Variants in PARN observed in about 807,000 individuals in gnomAD.
PARN encodes poly(A)-specific ribonuclease PARN.
In PARN, 71 loss-of-function variants were observed where a neutral mutation model predicts 102.8. That is an observed-to-expected ratio of 0.69 (90% CI 0.57 to 0.84). The LOEUF (loss-of-function observed/expected upper bound fraction) is 0.84, where lower values mean the gene tolerates loss of function less well. Ranked by LOEUF, PARN falls within the 40% of genes least tolerant of loss-of-function variation. The pLI is 0.00. For synonymous variants in PARN, 261 were observed against 252.9 expected, an observed-to-expected ratio of 1.03 and a Z score of -0.30; for missense variants, 782 against 760.9, an observed-to-expected ratio of 1.03 and a Z score of -0.33.
chr16:14,508,777 G>A (rs963420689), intron 21 of PARN, among the ~76,000 whole-genome samples: 3 of 151,250 alleles, frequency 2.0e-5, no homozygotes, highest in African/African-American at 7.3e-5. Context: ...TATTCTCAGG[G>A]GGCGGGGCAT....
intron 22 of PARN, among the ~76,000 whole-genome samples, chr16:14,482,295 G>A (rs900445971): frequency 1.3e-5 from 2 of 152,036 alleles, no homozygotes; most frequent in African/African-American, 4.8e-5. Flanking sequence ...CTCAGGTTGA[G>A]GTTGGAGGAT....
At chr16:14,516,757 C>T (rs942432625) in intron 21 of PARN, among the ~76,000 whole-genome samples, 12 of 152,126 alleles carry the variant, frequency 7.9e-5, no homozygotes, top group African/African-American at 2.7e-4. Context: ...CAAACATCAT[C>T]GTAGGAACTG....
chr16:14,479,635 A>G (rs1285277449), intron 22 of PARN, among the ~76,000 whole-genome samples: 1 of 152,186 alleles, frequency 6.6e-6, no homozygotes, highest in African/African-American at 2.4e-5. Flanking sequence ...ACCAACAGTA[A>G]TAAGATAGTG....
intron 21 of PARN, among the ~76,000 whole-genome samples, chr16:14,547,954 A>G (rs1279157937): frequency 6.6e-6 from 1 of 151,914 alleles, no homozygotes; most frequent in Non-Finnish European, 1.5e-5. Context: ...TTAAGATAAC[A>G]TTAATAGGGG....
rs1403514441 is a variant in PARN at position 14,554,166 on chromosome 16, T to C, written c.1319-15A>G. On this transcript the variant is annotated splice_polypyrimidine_tract_variant and intron_variant, in intron 19 of 23. Transcript: ENST00000437198. ...TTTAGGCTGCACTACAAGACAAATT[T>C]ATGATGAAATATTGATGGGTGAAAA... The C allele has an allele frequency of 6.5e-7, 1 of 1,541,154 alleles. No individual in the cohort carries two copies. The highest frequency in any genetic ancestry group is 1.1e-5 in the South Asian group (1 of 87,274).
In PARN at chr16:14,630,150, C is replaced by T. The variant is rs775832635; in HGVS notation, c.-25G>A. ...TTCTGCAGAGTGGCCGGAACCTTGG[C>T]CCCACCCGGGCCCGCGCCCGCCTCA... is the stretch of plus-strand genomic sequence containing the variant. On this transcript the variant is annotated 5_prime_UTR_variant, in exon 1 of 24. Transcript: ENST00000437198. The T allele has an allele frequency of 8.4e-6, 13 of 1,553,664 alleles. No homozygotes were observed. Among genetic ancestry groups the T allele is most frequent in the South Asian group, 2.4e-5 (2 of 84,304 alleles).
chr16:14,523,677 T>A (rs1020133939), intron 21 of PARN, among the ~76,000 whole-genome samples: 4 of 152,220 alleles, frequency 2.6e-5, no homozygotes, highest in Non-Finnish European at 5.9e-5. Flanking sequence ...TTACATTTAA[T>A]GTCAAAGACA....
chr16:14,593,345 C>T lies in PARN; in HGVS notation c.874G>A (p.Asp292Asn). 1 of 1,606,958 alleles carries T rather than the reference C, an allele frequency of 6.2e-7. No individual in the cohort carries two copies. The highest frequency in any genetic ancestry group is 1.3e-5 in the African/African-American group (1 of 74,760). ...KLVIGHNMLL[D>N]VMHTVHQFYC... is the part of the protein sequence containing the mutation. ...AACTGATGAACTGTGTGCATGACGT[C>T]CAAGAGCATATTGTGTCCAATAACA... The change falls in exon 13 of 24, where the codon GAC (aspartate) becomes AAC (asparagine). Residue 292 changes from aspartate to asparagine, a missense_variant. Physicochemically the swap from Asp to Asn is conservative, Grantham distance 23. Transcript: ENST00000437198.
chr16:14,593,365 A>G lies in PARN; in HGVS notation c.854T>C (p.Ile285Thr), dbSNP rs1970312112. 6.3e-7 allele frequency: 1 copy of G among 1,598,200 alleles called. No homozygotes were observed. The highest frequency in any genetic ancestry group is 1.1e-5 in the South Asian group (1 of 90,506). The part of the protein sequence containing the change: ...HAIANSGKLV[I>T]GHNMLLDVMH... Reference sequence around the variant, plus strand: ...GACGTCCAAGAGCATATTGTGTCCAATAACAAGTTTTCCCTAAAGAAAGTC... The same window carrying G: ...GACGTCCAAGAGCATATTGTGTCCAGTAACAAGTTTTCCCTAAAGAAAGTC... The change falls in exon 13 of 24, where the codon ATT (isoleucine) becomes ACT (threonine). Residue 285 changes from isoleucine to threonine, a missense_variant. Transcript: ENST00000437198.
chr16:14,591,149 G>T (rs1402319020), intron 13 of PARN, among the ~76,000 whole-genome samples: 1 of 151,936 alleles, frequency 6.6e-6, no homozygotes, highest in Non-Finnish European at 1.5e-5. Flanking sequence ...CCAGCACTCT[G>T]GGAGGCCAAG....
At chr16:14,592,763 T>C (rs1970272689) in intron 13 of PARN, among the ~76,000 whole-genome samples, 1 of 152,194 alleles carries the variant, frequency 6.6e-6, no homozygotes. Flanking sequence ...CAGCACTAAA[T>C]GAGCAAACCA....
chr16:14,566,393 G>GATA (rs747297069), intron 18 of PARN, among the ~76,000 whole-genome samples: 2 of 152,152 alleles, frequency 1.3e-5, no homozygotes, highest in Non-Finnish European at 2.9e-5. Flanking sequence ...GCAGAGGGAT[G>GATA]CCAAGGAACG....
chr16:14,545,972 CAG>C (rs1966910072), intron 21 of PARN, among the ~76,000 whole-genome samples: 2 of 151,854 alleles, frequency 1.3e-5, no homozygotes, highest in African/African-American at 4.8e-5. Flanking sequence ...AGAAAAAAAA[CAG>C]AAACCAACAA....
At chr16:14,618,625 C>T (rs1429358598) in intron 5 of PARN, among the ~76,000 whole-genome samples, 1 of 150,170 alleles carries the variant, frequency 6.7e-6, no homozygotes, top group African/African-American at 2.5e-5. Context: ...AGCCACTGCA[C>T]TCCAGCCCAG....
chr16:14,498,608 C>A (rs953109658), intron 21 of PARN, among the ~76,000 whole-genome samples: 23 of 152,198 alleles, frequency 1.5e-4, no homozygotes, highest in African/African-American at 5.5e-4. Context: ...AATGCCAACA[C>A]CACCTCCTTG....
chr16:14,483,832 T>G (rs796321145), intron 21 of PARN, among the ~76,000 whole-genome samples: 1 of 152,212 alleles, frequency 6.6e-6, no homozygotes, highest in East Asian at 1.9e-4. Flanking sequence ...ACACTACATA[T>G]GCATTTTTTT....
At chr16:14,489,693 G>A (rs1963953397) in intron 21 of PARN, among the ~76,000 whole-genome samples, 1 of 152,180 alleles carries the variant, frequency 6.6e-6, no homozygotes, top group East Asian at 1.9e-4. Flanking sequence ...TTTGCAGTCT[G>A]CTTCTTAGAG....
intron 21 of PARN, among the ~76,000 whole-genome samples, chr16:14,537,280 A>G (rs988828637): frequency 5.9e-5 from 9 of 152,176 alleles, no homozygotes; most frequent in African/African-American, 2.2e-4. Flanking sequence ...TAAAAAAGAC[A>G]AAAAAATAAC....
At chr16:14,457,120 AAAC>A (rs1961715347) in intron 22 of PARN, among the ~76,000 whole-genome samples, 1 of 152,236 alleles carries the variant, frequency 6.6e-6, no homozygotes, top group South Asian at 2.1e-4. Flanking sequence ...TGCAAGTGAC[AAAC>A]AACAAATTGC....
Sources: allele counts gnomAD v4.1 joint callset (sites outside exome capture counted in the v4.1 genomes callset), GRCh38; gene constraint gnomAD v4.1.1; transcripts MANE v1.5; gene names NCBI Gene and HGNC (gene_info 2026-07-23, HGNC 2026-07-21).